The following PGAP6 variants were observed in gnomAD, a reference collection of about 807,000 sequenced individuals.
PGAP6 encodes post-GPI attachment to proteins factor 6.
Under a neutral mutation model 68.4 loss-of-function variants are expected in PGAP6, and 62 were observed. The ratio of observed to expected loss-of-function variants is 0.91; its 90% CI spans 0.74 to 1.12. The LOEUF is 1.12. PGAP6 is among the 50% of genes most tolerant of loss of function. The pLI is 0.00. For missense variants in PGAP6, 1,188 were observed against 1,068.5 expected (o/e 1.11, Z -1.56); for synonymous variants, 575 against 474.0 (o/e 1.21, Z -2.77).
Position 378,204 on chromosome 16 carries a change from CCTGA to C in PGAP6, c.122-360_122-357del, listed in dbSNP as rs1335446494. Among the ~76,000 whole-genome samples the C allele has an allele frequency of 6.3e-4, 56 of 88,674 alleles. 2 individuals are homozygous for C. The highest frequency in any genetic ancestry group is 2.6e-3 in the African/African-American group (51 of 19,812). The allele number at this position is 88,674 out of a possible 152,430, so 58.2% of individuals were successfully genotyped here. A position where few individuals can be genotyped will look rare whatever the true frequency, so the allele number is the denominator to read the frequency against. On this transcript the variant is annotated intron_variant, in intron 1 of 12. Transcript: ENST00000431232. ...TCCCCACCCGCACTGCCATCGCCAC[CCTGA>C]CTGCCATCGCCACCCTGACTGCCAT...
upstream of PGAP6, among the ~76,000 whole-genome samples, chr16:385,010 A>G (rs1453694534): frequency 6.6e-6 from 1 of 151,804 alleles, no homozygotes; most frequent in Non-Finnish European, 1.5e-5. Flanking sequence ...TACTAAAAAT[A>G]TAAAAATTAG....
rs1199790734 is a variant in PGAP6, at chr16:374,855, A to G, written c.1477T>C (p.Leu493=). Reference sequence around the variant, plus strand: ...TCGTTCAAACAGGGCACCAGGTACAAGGTGGTCTCCACGTGGACCACAGCC... The same window carrying G: ...TCGTTCAAACAGGGCACCAGGTACAGGGTGGTCTCCACGTGGACCACAGCC... ...EQAVVHVETT[L]YLVPCLNDCG... is the part of the protein sequence containing the mutation. Residue 493 remains leucine, a synonymous_variant, in exon 9 of 13, where the codon TTG becomes CTG. Coordinates refer to ENST00000431232, the MANE Select transcript of PGAP6 (RefSeq NM_021259.3). 6.2e-7 allele frequency: 1 copy of G among 1,612,986 alleles called. No homozygotes were observed. The highest frequency in any genetic ancestry group is 8.5e-7 in the Non-Finnish European group (1 of 1,179,960).
rs1410612675 is a variant in PGAP6, at chr16:377,107, C to T, written c.565G>A (p.Val189Ile). Residue 189 changes from valine (V) to isoleucine (I), a missense_variant, in exon 4 of 13, where the codon GTC becomes ATC. By Grantham distance (29) the Val-to-Ile change is conservative. Transcript: ENST00000431232. ...FQPELLVTRV[V>I]EISIMEPDVP... Reference sequence around the variant, plus strand: ...TCCGGCTCCATGATGGAAATCTCGACCACCCGCGTGACCAGCAGTTCAGGC... The same window carrying T: ...TCCGGCTCCATGATGGAAATCTCGATCACCCGCGTGACCAGCAGTTCAGGC... The T allele has an allele frequency of 6.2e-7, 1 of 1,613,480 alleles. No individual in the cohort carries two copies. Among genetic ancestry groups the T allele is most frequent in the African/African-American group, 1.3e-5 (1 of 74,942 alleles).
upstream of PGAP6, chr16:384,461 A>G (rs2141770860): frequency 6.6e-6 from 1 of 152,472 alleles, no homozygotes; most frequent in East Asian, 1.9e-4. Flanking sequence ...CACTTTGTCA[A>G]AAAACAGCCA....
chr16:382,091 A>AGGGGG (rs909116095), upstream of PGAP6: 38 of 282,614 alleles, frequency 1.3e-4, 1 homozygote, highest in African/African-American at 8.5e-4. Flanking sequence ...GGGCGCCGGT[A>AGGGGG]GGGGGGAGGG....
At chr16:379,019 T>C (rs2054416619) in intron 1 of PGAP6, among the ~76,000 whole-genome samples, 1 of 152,064 alleles carries the variant, frequency 6.6e-6, no homozygotes, top group Non-Finnish European at 1.5e-5. Flanking sequence ...TGGGCATCCT[T>C]CCCTCCCTGG....
chr16:386,459 C>G (rs1390578055), upstream of PGAP6, among the ~76,000 whole-genome samples: 2 of 152,020 alleles, frequency 1.3e-5, no homozygotes, highest in Non-Finnish European at 2.9e-5. Flanking sequence ...TTCCTGAGGG[C>G]AGGAGATGGG....
intron 11 of PGAP6, among the ~76,000 whole-genome samples, chr16:373,130 C>T (rs1438397857): frequency 2.6e-5 from 4 of 152,206 alleles, no homozygotes; most frequent in African/African-American, 9.7e-5. Context: ...CTCCATCAGA[C>T]ACCTCTGCCC....
rs776309307 is a variant in PGAP6, at chr16:374,890, T to A, written c.1442A>T (p.Asp481Val). 2 of 1,612,716 alleles carry A rather than the reference T, an allele frequency of 1.2e-6. No homozygotes were observed. The highest frequency in any genetic ancestry group is 8.5e-7 in the Non-Finnish European group (1 of 1,179,884). ...LQLMCPENAEDCEQAVVHVET... is the reference protein window; with the variant it reads ...LQLMCPENAEVCEQAVVHVET... Reference sequence around the variant, plus strand: ...CACGTGGACCACAGCCTGCTCACAGTCCCTTTGAGGAAGGGGCCACAGGAA... The same window carrying A: ...CACGTGGACCACAGCCTGCTCACAGACCCTTTGAGGAAGGGGCCACAGGAA... Residue 481 changes from aspartate (D) to valine (V), a missense_variant and splice_region_variant, in exon 9 of 13, where the codon GAC becomes GTC. Asp to Val is a radical substitution (Grantham distance 152). Transcript: ENST00000431232.
At chr16:377,196 T>A (rs2141761712) in intron 3 of PGAP6, 32 bp from the exon 4 acceptor site, 3 of 1,611,824 alleles carry the variant, frequency 1.9e-6, no homozygotes, top group Non-Finnish European at 2.5e-6. Flanking sequence ...GCGGGGGCGG[T>A]GTCAGAGAAT....
In PGAP6 at chr16:371,814, A is replaced by T; in HGVS notation, c.*173T>A. ...CAGCGAGCAGGCAGCTGGCGAGGAG[A>T]GGTGCGTGTGAGGGAGGGGTGGCCC... On this transcript the variant is annotated 3_prime_UTR_variant, in exon 13 of 13. Coordinates refer to ENST00000431232, the MANE Select transcript of PGAP6 (RefSeq NM_021259.3). 1.6e-6 allele frequency: 1 copy of T among 630,406 alleles called. No individual in the cohort carries two copies. Among genetic ancestry groups the T allele is most frequent in the Non-Finnish European group, 2.7e-6 (1 of 368,136 alleles). 39.1% of individuals were successfully genotyped at this position (630,406 alleles called of 1,614,324 possible).
At chr16:382,145 C>G, upstream of PGAP6, 1 of 360,414 alleles carries the variant, frequency 2.8e-6, no homozygotes, top group Non-Finnish European at 4.9e-6. Flanking sequence ...GCGCGCGGTC[C>G]GGGGGGACGC....
At chr16:382,433 C>G (rs2054452479), upstream of PGAP6, 3 of 376,278 alleles carry the variant, frequency 8.0e-6, no homozygotes, top group Admixed American at 1.4e-4. Context: ...GGCGCCTCAG[C>G]ACGGGGACCC....
chr16:380,008 G>A (rs116838769), intron 1 of PGAP6, among the ~76,000 whole-genome samples: 166 of 152,328 alleles, frequency 1.1e-3, no homozygotes, highest in African/African-American at 3.7e-3. Context: ...CCAGACCCAC[G>A]TCCTCCAAAC....
Position 376,310 on chromosome 16 carries a change from G to A in PGAP6, c.1050C>T (p.Cys350=), listed in dbSNP as rs757783628. The A allele has an allele frequency of 3.7e-6, 6 of 1,612,560 alleles. No homozygotes were observed. Among genetic ancestry groups the A allele is most frequent in the South Asian group, 3.3e-5 (3 of 91,078 alleles). The part of the protein sequence containing the change: ...RSGRVDRSPF[C]LTNYPVTRED... The stretch of plus-strand genomic sequence containing the variant: ...CCCGCGTGACTGGGTAGTTTGTGAG[G>A]CAGAAGGGGCTGCGGTCCACCCTGC... The change falls in exon 6 of 13, where the codon TGC becomes TGT. Residue 350 remains cysteine (C), a synonymous_variant. Transcript: ENST00000431232.
At chr16:385,364 GT>G (rs1316685183), upstream of PGAP6, among the ~76,000 whole-genome samples, 3 of 140,894 alleles carry the variant, frequency 2.1e-5, no homozygotes, top group African/African-American at 8.1e-5. Context: ...CCAGGCTGGA[GT>G]GCAGTGATGC....
chr16:371,865 G>T lies in PGAP6; in HGVS notation c.*122C>A. The stretch of plus-strand genomic sequence containing the variant: ...TCTCCTCAGTAGGAGGAAGTAAGAG[G>T]GTATCTAGGCCAATTTATTCAGCTG... On this transcript the variant is annotated 3_prime_UTR_variant, in exon 13 of 13. Transcript: ENST00000431232. 9.1e-7 allele frequency: 1 copy of T among 1,103,380 alleles called. No individual in the cohort carries two copies. The highest frequency in any genetic ancestry group is 2.4e-5 in the East Asian group (1 of 41,002). The allele number at this position is 1,103,380 out of a possible 1,614,324, so 68.3% of individuals were successfully genotyped here.
chr16:376,880 G>A (rs1274131406), intron 4 of PGAP6, 68 bp from the exon 5 acceptor site: 24 of 1,578,990 alleles, frequency 1.5e-5, no homozygotes, highest in Non-Finnish European at 1.9e-5. Context: ...GCGTGCCCAG[G>A]CTCTGCTGTT....
Position 372,016 on chromosome 16 carries a change from C to T in PGAP6, c.2287G>A (p.Asp763Asn). 1.1e-5 allele frequency: 17 copies of T among 1,612,722 alleles called. No homozygotes were observed. Among genetic ancestry groups the T allele is most frequent in the Non-Finnish European group, 1.4e-5 (16 of 1,179,876 alleles). Residue 763 changes from aspartate (D) to asparagine (N), a missense_variant, in exon 13 of 13, where the codon GAT becomes AAT. Transcript: ENST00000431232. ...GTCACTGCGTACAGTTCCTCCCGAT[C>T]GTTCTTGCAGATCTGATAGTGGCAG... ...FPCHYQICKN[D>N]REELYAVT is the part of the protein sequence containing the mutation.
Sources: gnomAD v4.1 joint callset for allele counts (sites outside exome capture counted in the v4.1 genomes callset) on GRCh38, gnomAD v4.1.1 for gene constraint, MANE v1.5 for transcripts, NCBI Gene and HGNC (gene_info 2026-07-23, HGNC 2026-07-21) for gene names.